Variants in FN1 observed in about 807,000 individuals in gnomAD.
The protein encoded by FN1 is fibronectin 1.
FN1 carries 106 observed loss-of-function variants against 297.3 expected under a neutral mutation model. The observed-to-expected ratio is 0.36, with a 90% confidence interval of 0.30 to 0.42. The LOEUF is 0.42. Ranked by LOEUF, FN1 falls within the 10% of genes least tolerant of loss-of-function variation. The pLI, the probability that FN1 is intolerant of heterozygous loss-of-function variation, is 1.00. For missense variants in FN1, 2,690 were observed against 3,124.9 expected (o/e 0.86, Z 3.32); for synonymous variants, 1,149 against 1,152.6 (o/e 1.00, Z 0.06).
chr2:215,411,084 A>G (rs996188776), intron 13 of FN1, among the ~76,000 whole-genome samples: 1 of 152,302 alleles, frequency 6.6e-6, no homozygotes. Flanking sequence ...GATATGAGCT[A>G]CCCCATCAGA....
At chr2:215,426,149 T>C (rs1471433172) in intron 6 of FN1, among the ~76,000 whole-genome samples, 12 of 78,620 alleles carry the variant, frequency 1.5e-4, no homozygotes, top group Admixed American at 4.2e-4. Context: ...TTTTCTTTTT[T>C]TTTTTTTTTT....
intron 20 of FN1, among the ~76,000 whole-genome samples, chr2:215,403,512 T>C (rs1242280460): frequency 6.6e-6 from 1 of 152,204 alleles, no homozygotes; most frequent in Non-Finnish European, 1.5e-5. Context: ...GAAAAAGTAC[T>C]TATGTTAGGT....
chr2:215,402,912 C>T (rs988476865), intron 20 of FN1, among the ~76,000 whole-genome samples: 1 of 152,108 alleles, frequency 6.6e-6, no homozygotes, highest in Non-Finnish European at 1.5e-5. Context: ...TTATTGTTAG[C>T]ATCATTAAAA....
At chr2:215,428,086 A>G (rs2065818912) in intron 6 of FN1, 94 bp downstream of exon 6, 1 of 1,438,872 alleles carries the variant, frequency 6.9e-7, no homozygotes, top group East Asian at 2.3e-5. Flanking sequence ...ACTGCAAATT[A>G]TCCTCAAATG....
chr2:215,432,207 T>G (rs1404572425), intron 3 of FN1, among the ~76,000 whole-genome samples: 1 of 152,060 alleles, frequency 6.6e-6, no homozygotes, highest in Non-Finnish European at 1.5e-5. Context: ...AGGTCATGAA[T>G]CCTGCTTTCC....
At position 215,377,040 on chromosome 2, in the gene FN1, T is replaced by TTG. The variant is rs56966736; in HGVS notation, c.5711-368_5711-367dup. 4.6e-3 allele frequency among the ~76,000 whole-genome samples: 698 copies of TTG among 150,914 alleles called. 6 individuals carry two copies. The highest frequency in any genetic ancestry group is 0.016 in the African/African-American group (670 of 41,022). ...ACAATAACATGGCCAGCTAACAATT[T>TTG]TGTGTGTGTGTGTGTGTATGTGTGT... is the stretch of plus-strand genomic sequence containing the variant. On this transcript the variant is annotated intron_variant, in intron 35 of 45. Transcript: ENST00000354785.
intron 12 of FN1, among the ~76,000 whole-genome samples, chr2:215,416,897 G>A (rs1279289979): frequency 2.0e-5 from 3 of 152,270 alleles, no homozygotes; most frequent in South Asian, 2.1e-4. Context: ...ATAAGATTTC[G>A]AGCACTGGTG....
intron 1 of FN1, among the ~76,000 whole-genome samples, chr2:215,435,158 T>C (rs1177274903): frequency 6.6e-6 from 1 of 152,212 alleles, no homozygotes; most frequent in African/African-American, 2.4e-5. Flanking sequence ...CCTCTGTTCT[T>C]GGTGAAGTAT....
chr2:215,402,361 G>C (rs1453442533), intron 20 of FN1, among the ~76,000 whole-genome samples: 1 of 152,132 alleles, frequency 6.6e-6, no homozygotes, highest in African/African-American at 2.4e-5. Context: ...GGGAAGAACA[G>C]CCCAGCTGTT....
chr2:215,367,761 G>C, intron 42 of FN1, 102 bp downstream of exon 42: 1 of 1,159,870 alleles, frequency 8.6e-7, no homozygotes. Flanking sequence ...CTTCATGTTT[G>C]GAAGAACCTG....
intron 17 of FN1, 72 bp downstream of exon 17, chr2:215,408,036 C>A: frequency 8.6e-7 from 1 of 1,165,536 alleles, no homozygotes; most frequent in Admixed American, 1.7e-5. Flanking sequence ...GGTCCGCAGT[C>A]AGAATCTGCG....
At chr2:215,367,257 A>T (rs2054823808) in intron 42 of FN1, among the ~76,000 whole-genome samples, 1 of 152,272 alleles carries the variant, frequency 6.6e-6, no homozygotes, top group East Asian at 1.9e-4. Flanking sequence ...TAACTTAAAA[A>T]ATTTGAAAAT....
chr2:215,364,659 T>C (rs745350223), intron 44 of FN1: 33 of 594,214 alleles, frequency 5.6e-5, no homozygotes, highest in Non-Finnish European at 9.6e-5. Flanking sequence ...ATGCCATTCA[T>C]TCATTCTTTC....
At chr2:215,384,505 C>A in intron 29 of FN1, 1 of 393,870 alleles carries the variant, frequency 2.5e-6, no homozygotes. Flanking sequence ...CTTTTTAAAA[C>A]TTTTAACAGA....
intron 28 of FN1, among the ~76,000 whole-genome samples, chr2:215,386,484 C>T (rs1281751322): frequency 1.3e-5 from 2 of 151,816 alleles, no homozygotes; most frequent in East Asian, 1.9e-4. Flanking sequence ...ACTGCCACCA[C>T]GCCCGGGCTT....
At chr2:215,427,627 T>G (rs1437083303) in intron 6 of FN1, among the ~76,000 whole-genome samples, 1 of 152,160 alleles carries the variant, frequency 6.6e-6, no homozygotes, top group Non-Finnish European at 1.5e-5. Context: ...GTGTGTTACT[T>G]TATAGAATGT....
chr2:215,423,211 C>CACAA lies in FN1; in HGVS notation c.1393+138_1393+139insTTGT, dbSNP rs56956459. On this transcript the variant is annotated intron_variant, in intron 9 of 45. Coordinates refer to ENST00000354785, the MANE Select transcript of FN1 (RefSeq NM_212482.4). Reference sequence around the variant, plus strand: ...ACACACACACACACACACACACACACAAACACACTTCACATGAAGTTTTCT... The same window carrying CACAA: ...ACACACACACACACACACACACACACACAAAAACACACTTCACATGAAGTTTTCT... The CACAA allele has an allele frequency of 7.8e-6, 6 of 765,600 alleles. 1 individual carries two copies. Among genetic ancestry groups the CACAA allele is most frequent in the Middle Eastern group, 7.4e-4 (2 of 2,712 alleles). The allele number at this position is 765,600 out of a possible 1,614,324, so 47.4% of individuals were successfully genotyped here.
chr2:215,423,211 C>T lies in FN1; in HGVS notation c.1393+139G>A, dbSNP rs987265041. 1.2e-5 allele frequency: 9 copies of T among 765,486 alleles called. No homozygotes were observed. The African/African-American group carries it at 1.6e-4, about 13-fold the overall frequency. The allele number at this position is 765,486 out of a possible 1,614,324, so 47.4% of individuals were successfully genotyped here. ...ACACACACACACACACACACACACA[C>T]AAACACACTTCACATGAAGTTTTCT... On this transcript the variant is annotated intron_variant, in intron 9 of 45. Coordinates refer to ENST00000354785, the MANE Select transcript of FN1 (RefSeq NM_212482.4).
intron 5 of FN1, among the ~76,000 whole-genome samples, chr2:215,429,135 G>A (rs1178549544): frequency 6.6e-6 from 1 of 152,170 alleles, no homozygotes; most frequent in Non-Finnish European, 1.5e-5. Context: ...CTATAAGAAG[G>A]TGGTAGTATC....
Sources: gnomAD v4.1 joint callset for allele counts (sites outside exome capture counted in the v4.1 genomes callset) on GRCh38, gnomAD v4.1.1 for gene constraint, MANE v1.5 for transcripts, NCBI Gene and HGNC (gene_info 2026-07-23, HGNC 2026-07-21) for gene names.